IQGAP1: variants seen among roughly 807,000 people sequenced by gnomAD.
The protein encoded by IQGAP1 is IQ motif containing GTPase activating protein 1.
Under a neutral mutation model 215.6 loss-of-function variants are expected in IQGAP1, and 66 were observed. The observed-to-expected ratio is 0.31, with a 90% confidence interval of 0.25 to 0.38. IQGAP1 has a LOEUF of 0.38. Among genes scored for constraint, IQGAP1 ranks in the 10% least tolerant of loss-of-function variants. The pLI, the probability that IQGAP1 is intolerant of heterozygous loss-of-function variation, is 1.00. For missense variants in IQGAP1, 1,712 were observed against 1,997.1 expected (o/e 0.86, Z 2.72); for synonymous variants, 772 against 728.7 (o/e 1.06, Z -0.96).
chr15:90,443,160 T>C (rs1440519626), intron 8 of IQGAP1, among the ~76,000 whole-genome samples: 1 of 152,136 alleles, frequency 6.6e-6, no homozygotes, highest in Non-Finnish European at 1.5e-5. Flanking sequence ...GGGGTCTCGC[T>C]ATGTTGCCCA....
chr15:90,408,568 G>C (rs1026470579), intron 2 of IQGAP1, among the ~76,000 whole-genome samples: 15 of 152,280 alleles, frequency 9.9e-5, no homozygotes, highest in African/African-American at 2.9e-4. Flanking sequence ...GTCATGAAAA[G>C]GTTCGTGGAG....
Position 90,466,362 on chromosome 15 carries a change from A to G in IQGAP1, c.1961A>G (p.Tyr654Cys). ...SALRSPDVGLYGVIPECGETY... is the reference protein window; with the variant it reads ...SALRSPDVGLCGVIPECGETY... ...CTTCGCTCCCCTGATGTTGGCTTGT[A>G]TGGAGTCATCCCTGAGTGTGGTGAA... is the stretch of plus-strand genomic sequence containing the variant. Residue 654 changes from tyrosine (Y) to cysteine (C), a missense_variant, in exon 17 of 38, where the codon TAT becomes TGT. By Grantham distance (194) the Tyr-to-Cys change is radical (BLOSUM62 -2). This residue lies in a region of IQGAP1 where 1,021 missense variants were observed against 1,074.2 expected (regional missense o/e 0.95). Transcript: ENST00000268182. 7 of 1,614,158 alleles carry G rather than the reference A, an allele frequency of 4.3e-6. No homozygotes were observed. The highest frequency in any genetic ancestry group is 5.1e-6 in the Non-Finnish European group (6 of 1,180,014).
chr15:90,475,143 C>T (rs11857774), intron 23 of IQGAP1, among the ~76,000 whole-genome samples: 59,530 of 151,800 alleles, frequency 0.39, 13,089 homozygotes, highest in African/African-American at 0.61. Flanking sequence ...GGATTACAGG[C>T]GCATGCCACT....
At chr15:90,446,375 T>C (rs2151021340) in intron 9 of IQGAP1, among the ~76,000 whole-genome samples, 1 of 152,226 alleles carries the variant, frequency 6.6e-6, no homozygotes, top group Middle Eastern at 3.4e-3. Flanking sequence ...TACCTTTCAG[T>C]ATAGTGGGGA....
chr15:90,455,204 C>T (rs1460619796), intron 14 of IQGAP1, among the ~76,000 whole-genome samples: 1 of 152,082 alleles, frequency 6.6e-6, no homozygotes, highest in Non-Finnish European at 1.5e-5. Context: ...TTTTGGGTGT[C>T]CAGAGTTTTT....
chr15:90,399,592 T>A (rs1964777108), intron 2 of IQGAP1, among the ~76,000 whole-genome samples: 1 of 152,228 alleles, frequency 6.6e-6, no homozygotes, highest in Admixed American at 6.5e-5. Flanking sequence ...ATTTGTAATT[T>A]CTTCTATCAA....
intron 2 of IQGAP1, among the ~76,000 whole-genome samples, chr15:90,415,565 T>A (rs1337903986): frequency 2.0e-4 from 30 of 152,186 alleles, no homozygotes; most frequent in Non-Finnish European, 1.9e-4. Context: ...TAATGTTAGT[T>A]GTGAACCGTG....
intron 5 of IQGAP1, among the ~76,000 whole-genome samples, chr15:90,434,666 C>G (rs1965346885): frequency 6.6e-6 from 1 of 152,072 alleles, no homozygotes; most frequent in Non-Finnish European, 1.5e-5. Context: ...GGTTGAATAT[C>G]CCTTCTCTGA....
rs117880407 is a variant in IQGAP1 at position 90,474,785 on chromosome 15, C to T, written c.2784+92C>T. 2,196 of 958,180 alleles carry T rather than the reference C, an allele frequency of 2.3e-3. 7 individuals carry two copies. The highest frequency in any genetic ancestry group is 3.1e-3 in the Non-Finnish European group (1,854 of 603,048). The allele number at this position is 958,180 out of a possible 1,614,324, so 59.4% of individuals were successfully genotyped here. ...TTCTGACTGGTGGGGAGGGTGGAGG[C>T]TGACTTTCTCCTCAGCTACTGCCAT... On this transcript the variant is annotated intron_variant, in intron 23 of 37. Transcript: ENST00000268182.
chr15:90,462,790 C>T (rs1428069405), intron 15 of IQGAP1, among the ~76,000 whole-genome samples: 1 of 152,148 alleles, frequency 6.6e-6, no homozygotes, highest in Admixed American at 6.5e-5. Context: ...TGGTCCCTAT[C>T]TCTTTACCTC....
chr15:90,456,737 A>C (rs902912788), intron 15 of IQGAP1, among the ~76,000 whole-genome samples: 1 of 150,658 alleles, frequency 6.6e-6, no homozygotes, highest in Non-Finnish European at 1.5e-5. Context: ...AAAATACAAA[A>C]ATTAGCTGGG....
intron 18 of IQGAP1, 34 bp downstream of exon 18, chr15:90,467,626 A>T: frequency 6.3e-7 from 1 of 1,580,698 alleles, no homozygotes; most frequent in Non-Finnish European, 8.6e-7. Flanking sequence ...GAAGAAGCTG[A>T]GAGAAAGTGT....
rs554335747 is a variant in IQGAP1 at position 90,479,057 on chromosome 15, C to T, written c.3329+1168C>T. 3.3e-5 allele frequency among the ~76,000 whole-genome samples: 5 copies of T among 152,240 alleles called. No individual in the cohort carries two copies. In the South Asian group the frequency reaches 1.0e-3, roughly 32 times the overall value. On this transcript the variant is annotated intron_variant, in intron 26 of 37. Transcript: ENST00000268182. ...GAGGGGTGGGAGATGGAGGTGTGAG[C>T]AGCATGGTCTGTTGTGGTTTTTTCT...
At chr15:90,427,907 G>A (rs1319522196) in intron 3 of IQGAP1, among the ~76,000 whole-genome samples, 1 of 152,166 alleles carries the variant, frequency 6.6e-6, no homozygotes, top group African/African-American at 2.4e-5. Flanking sequence ...AACTCAGAAT[G>A]AGTAAGGCTA....
intron 14 of IQGAP1, among the ~76,000 whole-genome samples, chr15:90,455,394 C>T (rs575758120): frequency 2.0e-5 from 3 of 152,238 alleles, no homozygotes; most frequent in Non-Finnish European, 2.9e-5. Flanking sequence ...TGAGGCCAAC[C>T]AGGAGTCATT....
intron 33 of IQGAP1, among the ~76,000 whole-genome samples, chr15:90,488,115 G>A (rs1966152855): frequency 6.6e-6 from 1 of 152,126 alleles, no homozygotes; most frequent in South Asian, 2.1e-4. Flanking sequence ...CAGCTACTTG[G>A]GAGGCTGAGG....
chr15:90,473,614 A>G, intron 19 of IQGAP1, 101 bp from the exon 20 acceptor site: 2 of 800,838 alleles, frequency 2.5e-6, no homozygotes, highest in Non-Finnish European at 2.0e-6. Context: ...AAACTTCATC[A>G]TGAAATTGCA....
Position 90,426,266 on chromosome 15 carries a change from G to C in IQGAP1, c.312G>C (p.Lys104Asn), listed in dbSNP as rs141742065. 5.3e-5 allele frequency: 84 copies of C among 1,583,932 alleles called. No individual in the cohort carries two copies. Among genetic ancestry groups the C allele is most frequent in the Non-Finnish European group, 9.4e-6 (11 of 1,171,414 alleles). ...KIYDREQTRY[K>N]ATGLHFRHTD... ...ATGATCGAGAACAGACCAGATACAA[G>C]GTGAGTCCTTCCTTGCTTTGTGCTT... Residue 104 changes from lysine to asparagine, a missense_variant and splice_region_variant, in exon 3 of 38, where the codon AAG becomes AAC. By Grantham distance (94) the Lys-to-Asn change is moderately conservative. This residue lies in a region of IQGAP1 where 1,021 missense variants were observed against 1,074.2 expected (regional missense o/e 0.95). Transcript: ENST00000268182.
At chr15:90,410,446 T>C (rs1345688467) in intron 2 of IQGAP1, among the ~76,000 whole-genome samples, 5 of 152,128 alleles carry the variant, frequency 3.3e-5, no homozygotes. Context: ...CAAATGTCCA[T>C]CAGTGATAGA....
Sources: gnomAD v4.1 joint callset for allele counts (sites outside exome capture counted in the v4.1 genomes callset) on GRCh38, gnomAD v4.1.1 for gene constraint, gnomAD v4.1.1 regional missense constraint, MANE v1.5 for transcripts, NCBI Gene and HGNC (gene_info 2026-07-23, HGNC 2026-07-21) for gene names.